The following ANKRD13C variants were observed in gnomAD, a reference collection of about 807,000 sequenced individuals.
The protein encoded by ANKRD13C is ankyrin repeat domain-containing protein 13C.
ANKRD13C carries 16 observed loss-of-function variants against 65.5 expected under a neutral mutation model. The observed-to-expected ratio is 0.24, with a 90% CI of 0.17 to 0.37. The LOEUF is 0.37. Among genes scored for constraint, ANKRD13C ranks in the 10% least tolerant of loss-of-function variants. ANKRD13C has a pLI of 1.00. For synonymous variants in ANKRD13C, 235 were observed against 238.7 expected (o/e 0.98, Z 0.14); for missense variants, 503 against 655.9 (o/e 0.77, Z 2.55).
At chr1:70,286,451 AT>A (rs1183007064) in intron 9 of ANKRD13C, among the ~76,000 whole-genome samples, 1 of 152,164 alleles carries the variant, frequency 6.6e-6, no homozygotes, top group Non-Finnish European at 1.5e-5. Context: ...AGGTTGAAAA[AT>A]AAGACTAATT....
At chr1:70,306,116 T>C (rs1164831054) in intron 6 of ANKRD13C, 108 bp downstream of exon 6, 8 of 642,634 alleles carry the variant, frequency 1.2e-5, no homozygotes, top group Non-Finnish European at 2.0e-5. Context: ...GTGACTCTGT[T>C]ACAGCATTTT....
intron 9 of ANKRD13C, among the ~76,000 whole-genome samples, chr1:70,291,426 T>C (rs1471087775): frequency 3.9e-5 from 6 of 152,222 alleles, no homozygotes; most frequent in African/African-American, 1.4e-4. Context: ...TAAGAATGCA[T>C]CTAAATTCAC....
chr1:70,314,896 A>G (rs1681009349), intron 4 of ANKRD13C, among the ~76,000 whole-genome samples: 1 of 152,182 alleles, frequency 6.6e-6, no homozygotes, highest in South Asian at 2.1e-4. Context: ...CAGCATACCC[A>G]GCTCTTACCA....
intron 1 of ANKRD13C, 70 bp downstream of exon 1, chr1:70,353,909 C>T (rs561800963): frequency 1.4e-6 from 2 of 1,439,408 alleles, no homozygotes; most frequent in Admixed American, 5.8e-5. Context: ...GCCTAGGATT[C>T]CAGAAGCCTG....
chr1:70,331,883 C>T (rs1681822913), intron 2 of ANKRD13C, among the ~76,000 whole-genome samples: 1 of 144,004 alleles, frequency 6.9e-6, no homozygotes, highest in African/African-American at 2.6e-5. Context: ...CTTTCCACTA[C>T]ATATTCTAAT....
intron 1 of ANKRD13C, among the ~76,000 whole-genome samples, chr1:70,351,771 A>G (rs1482304314): frequency 6.6e-6 from 1 of 152,208 alleles, no homozygotes; most frequent in African/African-American, 2.4e-5. Flanking sequence ...TATCCTAAAA[A>G]TCTAAAAGCA....
intron 9 of ANKRD13C, among the ~76,000 whole-genome samples, chr1:70,288,735 C>T (rs1389296118): frequency 6.6e-6 from 1 of 152,072 alleles, no homozygotes; most frequent in Non-Finnish European, 1.5e-5. Context: ...GCATAAGGGA[C>T]AGAGAGAGGC....
chr1:70,285,658 T>G (rs976258926), intron 9 of ANKRD13C, among the ~76,000 whole-genome samples: 4 of 144,336 alleles, frequency 2.8e-5, no homozygotes, highest in African/African-American at 1.1e-4. Context: ...TGAGACAGAG[T>G]CTCGCTCTGT....
intron 3 of ANKRD13C, among the ~76,000 whole-genome samples, chr1:70,317,917 A>AT (rs1300401896): frequency 6.6e-6 from 1 of 152,208 alleles, no homozygotes; most frequent in East Asian, 1.9e-4. Flanking sequence ...TTAACTAAAT[A>AT]TAATTGTAAC....
chr1:70,336,118 A>G lies in ANKRD13C; in HGVS notation c.431-19T>C. On this transcript the variant is annotated intron_variant, in intron 1 of 12. Transcript: ENST00000370944. Reference sequence around the variant, plus strand: ...GTATTTCCTAAAAAAAATAAAATAAAATAAATAAATTAGAAGGTGTAAAAA... The same window carrying G: ...GTATTTCCTAAAAAAAATAAAATAAGATAAATAAATTAGAAGGTGTAAAAA... The G allele has an allele frequency of 1.5e-6, 1 of 683,306 alleles. No homozygotes were observed. The allele number at this position is 683,306 out of a possible 1,614,324, so 42.3% of individuals were successfully genotyped here. A position where few individuals can be genotyped will look rare whatever the true frequency, so the allele number is the denominator to read the frequency against.
chr1:70,279,285 CG>C (rs1237215498), intron 9 of ANKRD13C, among the ~76,000 whole-genome samples: 1 of 151,920 alleles, frequency 6.6e-6, no homozygotes, highest in African/African-American at 2.4e-5. Flanking sequence ...CGTTTTCTGC[CG>C]AACTACAGAG....
intron 11 of ANKRD13C, among the ~76,000 whole-genome samples, chr1:70,273,022 T>A (rs1432568251): frequency 6.6e-6 from 1 of 150,570 alleles, no homozygotes; most frequent in African/African-American, 2.4e-5. Flanking sequence ...AATAAATAAA[T>A]AAAATAATAA....
At chr1:70,348,046 G>T (rs1682602169) in intron 1 of ANKRD13C, among the ~76,000 whole-genome samples, 1 of 152,032 alleles carries the variant, frequency 6.6e-6, no homozygotes. Context: ...GGTTAAAATT[G>T]TTCACCAGTA....
At chr1:70,316,253 T>C (rs1001880021) in intron 3 of ANKRD13C, among the ~76,000 whole-genome samples, 1 of 152,212 alleles carries the variant, frequency 6.6e-6, no homozygotes, top group Admixed American at 6.5e-5. Flanking sequence ...CTCCATAGTG[T>C]ATTTTCAGTT....
chr1:70,323,768 G>A (rs555072713), intron 3 of ANKRD13C, among the ~76,000 whole-genome samples: 11 of 148,406 alleles, frequency 7.4e-5, no homozygotes, highest in South Asian at 2.1e-4. Flanking sequence ...CTTGTCGCCC[G>A]GGCTGGAGTG....
intron 8 of ANKRD13C, 26 bp downstream of exon 8, chr1:70,296,104 G>C: frequency 6.2e-7 from 1 of 1,605,738 alleles, no homozygotes; most frequent in East Asian, 2.2e-5. Context: ...AATGCTTAAA[G>C]TTTAAAAATC....
At chr1:70,325,554 T>A (rs151198394) in intron 2 of ANKRD13C, among the ~76,000 whole-genome samples, 4 of 152,190 alleles carry the variant, frequency 2.6e-5, no homozygotes, top group African/African-American at 9.7e-5. Context: ...TAGACCTTTC[T>A]ATAGGTTGAG....
intron 5 of ANKRD13C, 131 bp from the exon 6 acceptor site, chr1:70,306,421 C>A: frequency 1.9e-6 from 1 of 515,168 alleles, no homozygotes; most frequent in South Asian, 4.2e-5. Context: ...TAGTATTTTT[C>A]CATTTAAAAA....
chr1:70,343,448 A>T (rs1682394940), intron 1 of ANKRD13C, among the ~76,000 whole-genome samples: 1 of 152,254 alleles, frequency 6.6e-6, no homozygotes, highest in African/African-American at 2.4e-5. Flanking sequence ...TGTACTTTTT[A>T]AATCTGAAAT....
Sources: gnomAD v4.1 joint callset for allele counts (sites outside exome capture counted in the v4.1 genomes callset) on GRCh38, gnomAD v4.1.1 for gene constraint, MANE v1.5 for transcripts, NCBI Gene and HGNC (gene_info 2026-07-23, HGNC 2026-07-21) for gene names.